The following UBR3 variants were observed in gnomAD, a reference collection of about 807,000 sequenced individuals.
The protein encoded by UBR3 is E3 ubiquitin-protein ligase UBR3.
In UBR3, 85 loss-of-function variants were observed where a neutral mutation model predicts 243.2. That is an observed-to-expected ratio of 0.35 (90% CI 0.29 to 0.42). The LOEUF is 0.42. Ranked by LOEUF, UBR3 falls within the 10% of genes least tolerant of loss-of-function variation. The pLI, the probability that UBR3 is intolerant of heterozygous loss-of-function variation, is 1.00. For missense variants in UBR3, 1,686 were observed against 2,300.8 expected (o/e 0.73, Z 5.47); for synonymous variants, 748 against 799.8 (o/e 0.94, Z 1.09).
intron 1 of UBR3, among the ~76,000 whole-genome samples, chr2:169,852,011 C>T (rs1047444013): frequency 4.6e-5 from 7 of 152,048 alleles, no homozygotes; most frequent in African/African-American, 1.7e-4. Flanking sequence ...GTAACTTTGT[C>T]CTCCATGGTT....
intron 30 of UBR3, among the ~76,000 whole-genome samples, chr2:170,026,291 TG>T (rs776702404): frequency 2.0e-5 from 3 of 152,036 alleles, no homozygotes; most frequent in Non-Finnish European, 4.4e-5. Context: ...ATGTTTCCAA[TG>T]TATAATAATC....
intron 31 of UBR3, among the ~76,000 whole-genome samples, chr2:170,036,604 G>A (rs1049771803): frequency 6.6e-6 from 1 of 151,984 alleles, no homozygotes; most frequent in Non-Finnish European, 1.5e-5. Flanking sequence ...TTGATTTCTA[G>A]CAAAGTTAAG....
chr2:169,873,044 T>G (rs2083482587), intron 2 of UBR3, among the ~76,000 whole-genome samples: 1 of 152,106 alleles, frequency 6.6e-6, no homozygotes, highest in African/African-American at 2.4e-5. Flanking sequence ...GTAGTATGAA[T>G]CAAATTTATT....
intron 25 of UBR3, among the ~76,000 whole-genome samples, chr2:169,990,505 C>T (rs528485090): frequency 2.8e-4 from 43 of 151,956 alleles, no homozygotes; most frequent in African/African-American, 8.4e-4. Flanking sequence ...AAAGTAAATC[C>T]GGAAAGAACT....
chr2:169,910,905 GCT>G (rs1466588431), intron 10 of UBR3, among the ~76,000 whole-genome samples: 1 of 152,050 alleles, frequency 6.6e-6, no homozygotes, highest in African/African-American at 2.4e-5. Context: ...AAGCTTTTTA[GCT>G]GCAGTGCTGT....
intron 29 of UBR3, chr2:170,013,942 G>A (rs1301534601): frequency 2.1e-6 from 1 of 468,926 alleles, no homozygotes. Flanking sequence ...CTGTCCACTA[G>A]TATGAAATCC....
intron 2 of UBR3, among the ~76,000 whole-genome samples, chr2:169,872,869 T>C (rs2083477284): frequency 6.6e-6 from 1 of 152,108 alleles, no homozygotes; most frequent in South Asian, 2.1e-4. Flanking sequence ...TATATGGGTG[T>C]GTAATCATCA....
intron 31 of UBR3, among the ~76,000 whole-genome samples, chr2:170,035,058 G>A (rs2090787818): frequency 6.6e-6 from 1 of 151,760 alleles, no homozygotes; most frequent in Non-Finnish European, 1.5e-5. Context: ...ATTTATACGA[G>A]TATTTTACAT....
Position 169,905,244 on chromosome 2 carries a change from G to T in UBR3, c.1596G>T (p.Glu532Asp). 1 of 1,543,024 alleles carries T rather than the reference G, an allele frequency of 6.5e-7. No homozygotes were observed. Among genetic ancestry groups the T allele is most frequent in the Non-Finnish European group, 8.7e-7 (1 of 1,143,210 alleles). The change falls in exon 9 of 39, where the codon GAG (glutamate) becomes GAT (aspartate). Residue 532 changes from glutamate to aspartate, a missense_variant. This residue lies in a region of UBR3 where 346 missense variants were observed against 585.8 expected (regional missense o/e 0.59). Transcript: ENST00000272793. ...SHQSVAKRFLEDHGLLVTWMN... is the reference protein window; with the variant it reads ...SHQSVAKRFLDDHGLLVTWMN... Reference sequence around the variant, plus strand: ...AAAGTGTGGCCAAGAGATTTTTGGAGGATCACGGTTTGTTAGTTACATGGA... The same window carrying T: ...AAAGTGTGGCCAAGAGATTTTTGGATGATCACGGTTTGTTAGTTACATGGA...
intron 24 of UBR3, among the ~76,000 whole-genome samples, chr2:169,967,863 A>G (rs2087897161): frequency 6.6e-6 from 1 of 151,616 alleles, no homozygotes; most frequent in South Asian, 2.1e-4. Context: ...ATATGAATAT[A>G]TCTTCTTATA....
intron 10 of UBR3, among the ~76,000 whole-genome samples, chr2:169,908,248 G>C (rs2085095857): frequency 1.3e-5 from 2 of 152,190 alleles, no homozygotes; most frequent in Non-Finnish European, 2.9e-5. Flanking sequence ...CCCAGTGTCA[G>C]AGGTTTTGAT....
chr2:170,016,199 A>G (rs973563823), intron 30 of UBR3, among the ~76,000 whole-genome samples: 20 of 151,936 alleles, frequency 1.3e-4, no homozygotes, highest in African/African-American at 4.8e-4. Context: ...TTCAAAAAAT[A>G]TGTAATTTTG....
At chr2:170,013,862 G>A (rs1357372677) in intron 29 of UBR3, 1 of 463,886 alleles carries the variant, frequency 2.2e-6, no homozygotes, top group Non-Finnish European at 4.5e-6. Context: ...GAAGATTTGT[G>A]AAAACAAAAT....
chr2:169,841,526 T>C (rs2082287657), intron 1 of UBR3, among the ~76,000 whole-genome samples: 1 of 151,664 alleles, frequency 6.6e-6, no homozygotes, highest in African/African-American at 2.4e-5. Flanking sequence ...TGCAGGGAGG[T>C]GTGGAGGGAG....
chr2:169,933,735 T>C (rs2086223233), intron 19 of UBR3, among the ~76,000 whole-genome samples: 1 of 152,216 alleles, frequency 6.6e-6, no homozygotes, highest in South Asian at 2.1e-4. Flanking sequence ...CTTATCCAGA[T>C]AACTATCAAA....
intron 25 of UBR3, among the ~76,000 whole-genome samples, chr2:169,993,957 C>T (rs1324317304): frequency 2.0e-5 from 3 of 152,244 alleles, no homozygotes; most frequent in African/African-American, 7.2e-5. Flanking sequence ...GGACTCAGCT[C>T]TTTCTCCAAG....
At position 170,062,635 on chromosome 2, in the gene UBR3, G is replaced by A. The variant is rs189842506; in HGVS notation, c.5019+1192G>A. Among the ~76,000 whole-genome samples the A allele has an allele frequency of 1.0e-3, 156 of 152,296 alleles. 2 individuals are homozygous for A. In the Middle Eastern group the frequency reaches 0.027, roughly 27 times the overall value. ...TATGGGCATCCTCAAGCATGGAGAA[G>A]AGTAACCAAACAAAATCAACTTCTT... On this transcript the variant is annotated intron_variant, in intron 35 of 38. Coordinates refer to ENST00000272793, the MANE Select transcript of UBR3 (RefSeq NM_172070.4).
At chr2:170,061,289 C>T in intron 34 of UBR3, 29 bp from the exon 35 acceptor site, 1 of 1,607,444 alleles carries the variant, frequency 6.2e-7, no homozygotes, top group African/African-American at 1.3e-5. Context: ...TGTAGACTGA[C>T]TTGTTCAAAT....
At chr2:169,914,600 TGAGAA>T (rs1026539508) in intron 11 of UBR3, among the ~76,000 whole-genome samples, 1 of 152,204 alleles carries the variant, frequency 6.6e-6, no homozygotes, top group African/African-American at 2.4e-5. Flanking sequence ...GTGTTAATAA[TGAGAA>T]GAGCTGGCAC....
Sources: gnomAD v4.1 joint callset for allele counts (sites outside exome capture counted in the v4.1 genomes callset) on GRCh38, gnomAD v4.1.1 for gene constraint, gnomAD v4.1.1 regional missense constraint, MANE v1.5 for transcripts, NCBI Gene and HGNC (gene_info 2026-07-23, HGNC 2026-07-21) for gene names.